The following ARID4B variants were observed in gnomAD, a reference collection of about 807,000 sequenced individuals.
The protein encoded by ARID4B is AT-rich interactive domain-containing protein 4B.
In ARID4B, 26 loss-of-function variants were observed where a neutral mutation model predicts 147.5. The observed-to-expected ratio is 0.18, with a 90% confidence interval of 0.13 to 0.24. ARID4B has a LOEUF of 0.24. Among genes scored for constraint, ARID4B ranks in the 10% least tolerant of loss-of-function variants. The probability of loss-of-function intolerance (pLI) is 1.00; values close to 1 mark genes in which losing one functional copy is unlikely to be tolerated. For synonymous variants in ARID4B, 512 were observed against 507.9 expected, an observed-to-expected ratio of 1.01 and a Z score of -0.11; for missense variants, 1,179 against 1,511.5, an observed-to-expected ratio of 0.78 and a Z score of 3.65.
At chr1:235,201,753 G>A (rs1187710360) in intron 17 of ARID4B, among the ~76,000 whole-genome samples, 3 of 151,852 alleles carry the variant, frequency 2.0e-5, no homozygotes, top group Non-Finnish European at 4.4e-5. Flanking sequence ...GCACGGTGGC[G>A]CATGTCTATA....
intron 8 of ARID4B, among the ~76,000 whole-genome samples, chr1:235,236,492 TTG>T (rs111585112): frequency 0.14 from 20,211 of 146,802 alleles, 1,917 homozygotes; most frequent in East Asian, 0.55. Context: ...TACAAAACAG[TTG>T]TGTGTGTGTG....
chr1:235,247,626 C>G (rs1669381217), intron 6 of ARID4B, among the ~76,000 whole-genome samples: 1 of 152,146 alleles, frequency 6.6e-6, no homozygotes, highest in Non-Finnish European at 1.5e-5. Flanking sequence ...GGCAAAAAAT[C>G]TAATCTTTCA....
intron 2 of ARID4B, among the ~76,000 whole-genome samples, chr1:235,277,903 C>T (rs1472673594): frequency 6.6e-6 from 1 of 152,114 alleles, no homozygotes; most frequent in African/African-American, 2.4e-5. Context: ...TATGCACCTA[C>T]TCTTACTGGT....
chr1:235,171,158 G>A (rs778450369), intron 23 of ARID4B, among the ~76,000 whole-genome samples: 8 of 151,736 alleles, frequency 5.3e-5, no homozygotes, highest in East Asian at 1.9e-4. Context: ...TGGGCCAGTC[G>A]CAGTGGCTCA....
intron 8 of ARID4B, among the ~76,000 whole-genome samples, chr1:235,238,753 G>A (rs1668786326): frequency 6.6e-6 from 1 of 152,082 alleles, no homozygotes; most frequent in Non-Finnish European, 1.5e-5. Flanking sequence ...CTACTCAGGA[G>A]GCTGAGGTGG....
chr1:235,191,293 G>A (rs1261087952), intron 19 of ARID4B, among the ~76,000 whole-genome samples: 5 of 151,336 alleles, frequency 3.3e-5, no homozygotes, highest in Admixed American at 1.3e-4. Context: ...TTGCTACCCA[G>A]GCTAGAGTGC....
chr1:235,172,565 G>GA (rs1663444911), intron 23 of ARID4B, 53 bp downstream of exon 23: 3 of 1,313,206 alleles, frequency 2.3e-6, no homozygotes. Flanking sequence ...CGACAAGAGT[G>GA]AAACTCTGTC....
intron 2 of ARID4B, among the ~76,000 whole-genome samples, chr1:235,297,737 G>C (rs771316090): frequency 1.3e-5 from 2 of 152,038 alleles, no homozygotes; most frequent in Non-Finnish European, 2.9e-5. Context: ...CCTCTAGAAC[G>C]AATGTTCAGT....
chr1:235,232,240 T>C (rs145857733), intron 9 of ARID4B, among the ~76,000 whole-genome samples: 3,511 of 150,958 alleles, frequency 0.023, 149 homozygotes, highest in African/African-American at 0.081. Context: ...ACCAACATGG[T>C]GAAACCCCAT....
At chr1:235,189,121 C>T (rs1664894430) in intron 19 of ARID4B, among the ~76,000 whole-genome samples, 1 of 152,106 alleles carries the variant, frequency 6.6e-6, no homozygotes, top group African/African-American at 2.4e-5. Flanking sequence ...CATTGAAAGG[C>T]TGGGCGCAGT....
chr1:235,213,463 T>C (rs543698708), intron 17 of ARID4B, among the ~76,000 whole-genome samples: 12 of 152,304 alleles, frequency 7.9e-5, no homozygotes, highest in African/African-American at 2.9e-4. Context: ...GCCTGATAAT[T>C]GGTTTGTAGA....
intron 3 of ARID4B, among the ~76,000 whole-genome samples, chr1:235,258,167 T>C (rs1184097623): frequency 2.0e-5 from 3 of 151,954 alleles, no homozygotes; most frequent in South Asian, 2.1e-4. Context: ...CCCATCTCTA[T>C]TAAAAATACA....
chr1:235,245,247 CA>C (rs1669226723), intron 7 of ARID4B, among the ~76,000 whole-genome samples: 1 of 152,128 alleles, frequency 6.6e-6, no homozygotes, highest in Admixed American at 6.5e-5. Context: ...TATTCAGCAA[CA>C]AATGCGTGCT....
chr1:235,226,152 A>T (rs551998291), intron 11 of ARID4B, among the ~76,000 whole-genome samples: 2 of 152,340 alleles, frequency 1.3e-5, no homozygotes, highest in African/African-American at 4.8e-5. Context: ...TGCTTTTACA[A>T]AAACACTTGT....
At chr1:235,211,962 T>C (rs565980637) in intron 17 of ARID4B, among the ~76,000 whole-genome samples, 1 of 152,180 alleles carries the variant, frequency 6.6e-6, no homozygotes, top group Non-Finnish European at 1.5e-5. Flanking sequence ...GAAAATCACA[T>C]ACCAGAAAGG....
At chr1:235,287,624 C>T (rs1672073153) in intron 2 of ARID4B, among the ~76,000 whole-genome samples, 2 of 152,286 alleles carry the variant, frequency 1.3e-5, no homozygotes, top group Admixed American at 6.5e-5. Context: ...TCTGTTGACA[C>T]CTTTATTCTC....
intron 5 of ARID4B, among the ~76,000 whole-genome samples, chr1:235,255,220 T>TATATATATATAGAGAGAGAGAGAGAG (rs1264196304): frequency 0.056 from 3,370 of 60,332 alleles, 60 homozygotes; most frequent in Non-Finnish European, 0.1. Context: ...TGCTGGGAGC[T>TATATATATATAGAGAGAGAGAGAGAG]AGATAGATAG....
chr1:235,181,489 A>G, intron 20 of ARID4B, 96 bp downstream of exon 20: 1 of 1,429,268 alleles, frequency 7.0e-7, no homozygotes, highest in Non-Finnish European at 9.4e-7. Flanking sequence ...TATGACACTT[A>G]ATCGCCTCAG....
At chr1:235,310,904 C>T (rs1462254918) in intron 2 of ARID4B, among the ~76,000 whole-genome samples, 1 of 152,176 alleles carries the variant, frequency 6.6e-6, no homozygotes, top group African/African-American at 2.4e-5. Flanking sequence ...CTCCTGGGTT[C>T]AAGTAATCCA....
Sources: gnomAD v4.1 joint callset for allele counts (sites outside exome capture counted in the v4.1 genomes callset) on GRCh38, gnomAD v4.1.1 for gene constraint, MANE v1.5 for transcripts, NCBI Gene and HGNC (gene_info 2026-07-23, HGNC 2026-07-21) for gene names.